Variants in NSMCE2 observed in about 807,000 individuals in gnomAD.
NSMCE2 encodes the protein E3 SUMO-protein ligase NSE2.
In NSMCE2, 24 loss-of-function variants were observed where a neutral mutation model predicts 23.8. The ratio of observed to expected loss-of-function variants is 1.01; its 90% CI spans 0.73 to 1.42. The LOEUF is 1.42. Ranked by LOEUF, NSMCE2 falls within the 40% of genes most tolerant of loss-of-function variation. The pLI, the probability that NSMCE2 is intolerant of heterozygous loss-of-function variation, is 0.00. For synonymous variants in NSMCE2, 92 were observed against 94.1 expected, an observed-to-expected ratio of 0.98 and a Z score of 0.13; for missense variants, 284 against 296.5, an observed-to-expected ratio of 0.96 and a Z score of 0.31.
At chr8:125,309,248 CAAAAAAAAAAAA>C (rs111355815) in intron 5 of NSMCE2, among the ~76,000 whole-genome samples, 2 of 65,524 alleles carry the variant, frequency 3.1e-5, no homozygotes, top group Admixed American at 1.6e-4. Flanking sequence ...AACTCTGTCT[CAAAAAAAAAAAA>C]AAAAAAAAAA....
rs551861989 is a variant in NSMCE2, at chr8:125,178,729, G to C, written c.265-3374G>C. On this transcript the variant is annotated intron_variant, in intron 4 of 7. Transcript: ENST00000287437. ...ACTAAAAATACAAAAAATTAGCCGGGCATGGTGACGGGCACCTGTAGTCCC... is the reference window on the plus strand; with the variant it reads ...ACTAAAAATACAAAAAATTAGCCGGCCATGGTGACGGGCACCTGTAGTCCC... Among the ~76,000 whole-genome samples the C allele has an allele frequency of 3.7e-3, 558 of 152,022 alleles. 7 individuals are homozygous for C. Among genetic ancestry groups the C allele is most frequent in the Non-Finnish European group, 5.5e-3 (375 of 68,022 alleles).
chr8:125,274,999 G>GATGATAATA (rs779965998), intron 5 of NSMCE2, among the ~76,000 whole-genome samples: 3 of 142,420 alleles, frequency 2.1e-5, no homozygotes, highest in African/African-American at 7.8e-5. Flanking sequence ...ATCTGAAGAT[G>GATGATAATA]ATAATAATAA....
chr8:125,164,517 A>G (rs1821775374), intron 4 of NSMCE2, among the ~76,000 whole-genome samples: 1 of 152,234 alleles, frequency 6.6e-6, no homozygotes, highest in Non-Finnish European at 1.5e-5. Context: ...TGGGAAATTT[A>G]GTCAAAACAA....
chr8:125,235,333 A>G (rs866018606), intron 5 of NSMCE2, among the ~76,000 whole-genome samples: 1 of 151,368 alleles, frequency 6.6e-6, no homozygotes, highest in South Asian at 2.1e-4. Flanking sequence ...TATCATATCT[A>G]TTTGCCCTTG....
intron 3 of NSMCE2, among the ~76,000 whole-genome samples, chr8:125,123,555 A>G (rs1257282365): frequency 6.6e-6 from 1 of 152,280 alleles, no homozygotes; most frequent in Admixed American, 6.5e-5. Context: ...ACTCACATCC[A>G]GAATATCTTC....
intron 5 of NSMCE2, among the ~76,000 whole-genome samples, chr8:125,216,321 T>C (rs927959868): frequency 3.9e-5 from 6 of 152,162 alleles, no homozygotes; most frequent in Non-Finnish European, 8.8e-5. Context: ...TTTGTGTATA[T>C]ATCAGAAGTG....
intron 5 of NSMCE2, among the ~76,000 whole-genome samples, chr8:125,301,911 G>A (rs1265618421): frequency 2.6e-5 from 4 of 151,984 alleles, no homozygotes; most frequent in African/African-American, 9.7e-5. Flanking sequence ...TGATCCACCA[G>A]CCTTAGCCTT....
chr8:125,155,861 T>C, intron 4 of NSMCE2: 1 of 412,440 alleles, frequency 2.4e-6, no homozygotes, highest in Non-Finnish European at 4.8e-6. Flanking sequence ...ATCATGGGGG[T>C]AGTCCTTGCA....
chr8:125,273,557 T>C (rs1827318676), intron 5 of NSMCE2, among the ~76,000 whole-genome samples: 1 of 152,258 alleles, frequency 6.6e-6, no homozygotes, highest in Non-Finnish European at 1.5e-5. Flanking sequence ...TGATTTTAGT[T>C]CAAAGGAATT....
intron 5 of NSMCE2, among the ~76,000 whole-genome samples, chr8:125,280,751 T>G (rs1456963153): frequency 6.6e-6 from 1 of 152,242 alleles, no homozygotes; most frequent in Non-Finnish European, 1.5e-5. Context: ...TGTCTATAGA[T>G]TCTTTAAGAC....
At chr8:125,351,427 G>A (rs1254150325) in intron 5 of NSMCE2, 1 of 151,944 alleles carries the variant, frequency 6.6e-6, no homozygotes, top group Non-Finnish European at 1.5e-5. Flanking sequence ...GTAAATGTTA[G>A]TTCTTGTGCA....
At chr8:125,302,009 G>A (rs369022330) in intron 5 of NSMCE2, among the ~76,000 whole-genome samples, 2 of 151,098 alleles carry the variant, frequency 1.3e-5, no homozygotes, top group East Asian at 2.0e-4. Context: ...GCCCAAGCTG[G>A]AGTGCAGTGG....
intron 5 of NSMCE2, among the ~76,000 whole-genome samples, chr8:125,230,848 A>G (rs1045654361): frequency 6.6e-6 from 1 of 152,194 alleles, no homozygotes; most frequent in African/African-American, 2.4e-5. Flanking sequence ...TCTTTCTTAG[A>G]CAGCAGGGGG....
At chr8:125,257,263 G>A (rs190407564) in intron 5 of NSMCE2, among the ~76,000 whole-genome samples, 20 of 149,570 alleles carry the variant, frequency 1.3e-4, no homozygotes, top group South Asian at 6.4e-4. Flanking sequence ...CAACCTAGGC[G>A]ACAGAGCAAG....
intron 5 of NSMCE2, among the ~76,000 whole-genome samples, chr8:125,225,673 T>C (rs964918163): frequency 8.5e-5 from 13 of 152,230 alleles, no homozygotes; most frequent in African/African-American, 2.9e-4. Flanking sequence ...AGGTATTGCC[T>C]TTTTATTTCT....
chr8:125,307,000 A>C (rs943367629), intron 5 of NSMCE2, among the ~76,000 whole-genome samples: 1 of 152,240 alleles, frequency 6.6e-6, no homozygotes, highest in East Asian at 1.9e-4. Context: ...TAGTGCTACT[A>C]CTGAATTATG....
At chr8:125,103,122 TG>T (rs1818280749) in intron 3 of NSMCE2, among the ~76,000 whole-genome samples, 4 of 152,100 alleles carry the variant, frequency 2.6e-5, no homozygotes, top group Admixed American at 2.6e-4. Context: ...AAAACCAACA[TG>T]GTGAAACCCC....
intron 3 of NSMCE2, among the ~76,000 whole-genome samples, chr8:125,149,198 A>T (rs1236210909): frequency 6.6e-5 from 10 of 152,118 alleles, no homozygotes; most frequent in Admixed American, 6.6e-4. Flanking sequence ...CTGACCCCCT[A>T]ACTTACATTG....
chr8:125,113,811 T>C (rs1183866844), intron 3 of NSMCE2, among the ~76,000 whole-genome samples: 2 of 152,182 alleles, frequency 1.3e-5, no homozygotes, highest in Non-Finnish European at 2.9e-5. Context: ...TTAGGTAATC[T>C]CTCATGAATG....
Sources: allele counts gnomAD v4.1 joint callset (sites outside exome capture counted in the v4.1 genomes callset), GRCh38; gene constraint gnomAD v4.1.1; transcripts MANE v1.5; gene names NCBI Gene and HGNC (gene_info 2026-07-23, HGNC 2026-07-21).